The following ZNF407 variants were observed in gnomAD, a reference collection of about 807,000 sequenced individuals.
ZNF407 encodes zinc finger protein 407.
ZNF407 carries 17 observed loss-of-function variants against 131.2 expected under a neutral mutation model. That is an observed-to-expected ratio of 0.13 (90% CI 0.09 to 0.19). The LOEUF (loss-of-function observed/expected upper bound fraction) is 0.19, where lower values mean the gene tolerates loss of function less well. ZNF407 is among the 10% of genes least tolerant of loss of function. The pLI is 1.00. For synonymous variants in ZNF407, 1,156 were observed against 1,062.0 expected (o/e 1.09, Z -1.72); for missense variants, 2,681 against 2,830.6 (o/e 0.95, Z 1.20).
intron 8 of ZNF407, among the ~76,000 whole-genome samples, chr18:75,016,058 A>T (rs1973040420): frequency 6.6e-6 from 1 of 152,124 alleles, no homozygotes; most frequent in South Asian, 2.1e-4. Context: ...AACTACCTTT[A>T]AACCATCATA....
intron 3 of ZNF407, among the ~76,000 whole-genome samples, chr18:74,682,900 G>A (rs1967017059): frequency 6.6e-6 from 1 of 152,198 alleles, no homozygotes; most frequent in Non-Finnish European, 1.5e-5. Flanking sequence ...CTTGTGGTGT[G>A]CTGGGGGATC....
chr18:74,852,200 C>T (rs1970797514), intron 4 of ZNF407, among the ~76,000 whole-genome samples: 2 of 57,790 alleles, frequency 3.5e-5, no homozygotes, highest in African/African-American at 1.8e-4. Context: ...CACACACACG[C>T]ACGCACGCAC....
Position 74,634,856 on chromosome 18 carries a change from C to T in ZNF407, c.3837C>T (p.Ser1279=), listed in dbSNP as rs777367758. ...CCAGAGAACAGGGAAATCTGGAGAG[C>T]GGGGGTCAGAACAGAGTTGCACGTG... ...RITREQGNLE[S]GGQNRVARGH... is the part of the protein sequence containing the mutation. Residue 1279 remains serine, a synonymous_variant, in exon 2 of 9, where the codon AGC becomes AGT. Transcript: ENST00000299687. 78 of 1,613,428 alleles carry T rather than the reference C, an allele frequency of 4.8e-5. No homozygotes were observed. Among genetic ancestry groups the T allele is most frequent in the East Asian group, 1.8e-4 (8 of 44,880 alleles).
intron 3 of ZNF407, among the ~76,000 whole-genome samples, chr18:74,748,743 C>A (rs1433861552): frequency 6.6e-6 from 1 of 152,076 alleles, no homozygotes; most frequent in African/African-American, 2.4e-5. Flanking sequence ...ATCTTCACAT[C>A]AAAATGAGGA....
At chr18:74,917,452 T>C (rs1971788234) in intron 7 of ZNF407, among the ~76,000 whole-genome samples, 1 of 152,200 alleles carries the variant, frequency 6.6e-6, no homozygotes, top group Non-Finnish European at 1.5e-5. Flanking sequence ...TTTTAAAATC[T>C]CAAGTTCCAC....
chr18:74,802,943 T>A (rs1302316460), intron 4 of ZNF407, among the ~76,000 whole-genome samples: 3 of 152,186 alleles, frequency 2.0e-5, no homozygotes, highest in East Asian at 1.9e-4. Flanking sequence ...TCTTTTTTTT[T>A]AACTTTGCCA....
chr18:74,647,907 T>A (rs1985048244), intron 3 of ZNF407, among the ~76,000 whole-genome samples: 3 of 151,852 alleles, frequency 2.0e-5, no homozygotes, highest in Admixed American at 1.3e-4. Context: ...TATCTTTGAG[T>A]TGGGTCTTAA....
chr18:74,745,280 G>A (rs1016916513), intron 3 of ZNF407, among the ~76,000 whole-genome samples: 1 of 152,090 alleles, frequency 6.6e-6, no homozygotes, highest in Non-Finnish European at 1.5e-5. Context: ...TATTTAGGAA[G>A]AGTTATTTAA....
At chr18:74,831,666 G>T (rs1054433797) in intron 4 of ZNF407, among the ~76,000 whole-genome samples, 34 of 152,106 alleles carry the variant, frequency 2.2e-4, no homozygotes, top group African/African-American at 7.7e-4. Context: ...ATCCATCTGT[G>T]GTTACTTGGT....
chr18:74,789,550 C>T (rs997072132), intron 4 of ZNF407, among the ~76,000 whole-genome samples: 1 of 152,052 alleles, frequency 6.6e-6, no homozygotes, highest in Non-Finnish European at 1.5e-5. Flanking sequence ...GGCTGCTGTG[C>T]CAGTCGTCTT....
intron 3 of ZNF407, among the ~76,000 whole-genome samples, chr18:74,755,585 T>G (rs1968918453): frequency 4.7e-4 from 1 of 2,124 alleles, no homozygotes; most frequent in African/African-American, 6.3e-4. Flanking sequence ...CTTTCTGGTT[T>G]TTTTTTTTTT....
In ZNF407 at chr18:74,889,838, T is replaced by G. The variant is rs1055907102; in HGVS notation, c.5129-80T>G. 7 of 1,321,706 alleles carry G rather than the reference T, an allele frequency of 5.3e-6. No homozygotes were observed. In the African/African-American group the frequency reaches 1.0e-4, roughly 20 times the overall value. 81.9% of individuals were successfully genotyped at this position (1,321,706 alleles called of 1,614,324 possible). A position where few individuals can be genotyped will look rare whatever the true frequency, so the allele number is the denominator to read the frequency against. On this transcript the variant is annotated intron_variant, in intron 6 of 8. Transcript: ENST00000299687. The stretch of plus-strand genomic sequence containing the variant: ...ACATTTCATGGAAATAAATGTTTTT[T>G]AAATTGTCAATACCAGGTTTATTCC...
chr18:74,933,346 T>A (rs1219770496), intron 8 of ZNF407, among the ~76,000 whole-genome samples: 1 of 152,178 alleles, frequency 6.6e-6, no homozygotes, highest in African/African-American at 2.4e-5. Flanking sequence ...ACAGATGATG[T>A]GCCTAGAGTA....
At chr18:74,804,050 T>G in intron 4 of ZNF407, 1 of 1,551,586 alleles carries the variant, frequency 6.4e-7, no homozygotes, top group Non-Finnish European at 8.7e-7. Context: ...GCCCAAAGTC[T>G]TTGTGAGCAC....
chr18:74,684,646 C>T (rs1049429551), intron 3 of ZNF407, among the ~76,000 whole-genome samples: 2 of 152,128 alleles, frequency 1.3e-5, no homozygotes, highest in Non-Finnish European at 2.9e-5. Flanking sequence ...TGAAAAGCAC[C>T]TGACAATTAG....
intron 3 of ZNF407, among the ~76,000 whole-genome samples, chr18:74,762,710 T>C (rs985870921): frequency 6.6e-6 from 1 of 152,110 alleles, no homozygotes; most frequent in Admixed American, 6.5e-5. Context: ...CTTTTTTTTT[T>C]TAAAATCATC....
intron 8 of ZNF407, among the ~76,000 whole-genome samples, chr18:74,988,765 G>T (rs2959162): frequency 0.038 from 5,716 of 152,198 alleles, 395 homozygotes; most frequent in African/African-American, 0.13. Context: ...TTAAAGCCAC[G>T]AGGAGATGCC....
rs535492334 is a variant in ZNF407, at chr18:74,713,423, G to A, written c.4803-68005G>A. Among the ~76,000 whole-genome samples, 156 of 108,084 alleles carry A rather than the reference G, an allele frequency of 1.4e-3. 1 individual carries two copies. The highest frequency in any genetic ancestry group is 2.4e-3 in the Non-Finnish European group (136 of 56,064). 70.9% of individuals were successfully genotyped at this position (108,084 alleles called of 152,430 possible). On this transcript the variant is annotated intron_variant, in intron 3 of 8. Transcript: ENST00000299687. ...ACAGTATATATTGTGTTAGTATTAT[G>A]TGATTAAAACATAGTTTCATTTAAA...
rs542920788 is a variant in ZNF407 at position 75,008,198 on chromosome 18, C to T, written c.5429-54952C>T. Among the ~76,000 whole-genome samples the T allele has an allele frequency of 3.9e-5, 6 of 152,276 alleles. No individual in the cohort carries two copies. In the East Asian group the frequency reaches 9.7e-4, roughly 24 times the overall value. On this transcript the variant is annotated intron_variant, in intron 8 of 8. Coordinates refer to ENST00000299687, the MANE Select transcript of ZNF407 (RefSeq NM_017757.3). ...TTATTGCTGACCTCCGTGCAAGTCC[C>T]TTGAAGGATACACCAAATAATGAAT...
Sources: allele counts gnomAD v4.1 joint callset (sites outside exome capture counted in the v4.1 genomes callset), GRCh38; gene constraint gnomAD v4.1.1; transcripts MANE v1.5; gene names NCBI Gene and HGNC (gene_info 2026-07-23, HGNC 2026-07-21).